Variants in PPM1L observed in about 807,000 individuals in gnomAD.
PPM1L encodes protein phosphatase 1L.
PPM1L carries 13 observed loss-of-function variants against 31.4 expected under a neutral mutation model. That is an observed-to-expected ratio of 0.41 (90% CI 0.27 to 0.66). The LOEUF is 0.66. PPM1L is among the 30% of genes least tolerant of loss of function. PPM1L has a pLI of 0.29. For missense variants in PPM1L, 326 were observed against 453.7 expected (o/e 0.72, Z 2.56); for synonymous variants, 184 against 175.4 (o/e 1.05, Z -0.39).
At chr3:160,970,336 G>A (rs1022223934) in intron 2 of PPM1L, among the ~76,000 whole-genome samples, 4 of 151,966 alleles carry the variant, frequency 2.6e-5, no homozygotes, top group African/African-American at 9.7e-5. Flanking sequence ...GAGTAAAATG[G>A]GTACTCAAAA....
intron 1 of PPM1L, among the ~76,000 whole-genome samples, chr3:160,826,540 C>T (rs1025755242): frequency 2.0e-5 from 3 of 151,996 alleles, no homozygotes; most frequent in Non-Finnish European, 2.9e-5. Flanking sequence ...AATTCCATTC[C>T]TGATAGAATC....
intron 1 of PPM1L, among the ~76,000 whole-genome samples, chr3:160,839,671 A>T (rs1406355102): frequency 6.6e-6 from 1 of 152,178 alleles, no homozygotes; most frequent in Non-Finnish European, 1.5e-5. Context: ...ATGACTATTT[A>T]TTGTTAATTA....
At chr3:161,014,120 A>G (rs1717991690) in intron 2 of PPM1L, among the ~76,000 whole-genome samples, 1 of 152,170 alleles carries the variant, frequency 6.6e-6, no homozygotes, top group Non-Finnish European at 1.5e-5. Context: ...CCTAGCATCA[A>G]TGGTCTTTAC....
chr3:160,877,905 A>G (rs1712573031), intron 1 of PPM1L, among the ~76,000 whole-genome samples: 1 of 152,152 alleles, frequency 6.6e-6, no homozygotes, highest in African/African-American at 2.4e-5. Flanking sequence ...TGGAGCCACC[A>G]TGTTGAACAT....
chr3:161,065,714 A>G, intron 3 of PPM1L, 150 bp downstream of exon 3: 1 of 582,006 alleles, frequency 1.7e-6, no homozygotes, highest in Non-Finnish European at 2.9e-6. Context: ...AACATTACCT[A>G]TCAAATAAAT....
At chr3:160,836,121 G>A (rs1713707161) in intron 1 of PPM1L, among the ~76,000 whole-genome samples, 1 of 152,124 alleles carries the variant, frequency 6.6e-6, no homozygotes, top group South Asian at 2.1e-4. Flanking sequence ...GGAATCTGTT[G>A]CTCTCAAGCA....
At chr3:160,916,153 C>G (rs1714172779) in intron 1 of PPM1L, among the ~76,000 whole-genome samples, 2 of 152,062 alleles carry the variant, frequency 1.3e-5, no homozygotes, top group Non-Finnish European at 2.9e-5. Context: ...TTTTTGCAAC[C>G]TACTCATCTG....
chr3:160,874,271 A>G lies in PPM1L; in HGVS notation c.400-87465A>G, dbSNP rs114357244. On this transcript the variant is annotated intron_variant, in intron 1 of 3. Transcript: ENST00000498165. ...TCTTTTTAGCAGTGGTGGTGTTGAGAGTCCAGCGACATCATTGTCTAGTTG... is the reference window on the plus strand; with the variant it reads ...TCTTTTTAGCAGTGGTGGTGTTGAGGGTCCAGCGACATCATTGTCTAGTTG... Among the ~76,000 whole-genome samples, 1,419 of 152,282 alleles carry G rather than the reference A, an allele frequency of 9.3e-3. 10 individuals are homozygous for G. The highest frequency in any genetic ancestry group is 0.016 in the Non-Finnish European group (1,089 of 68,020).
At position 160,871,411 on chromosome 3, in the gene PPM1L, G is replaced by A. The variant is rs368647650; in HGVS notation, c.400-90325G>A. On this transcript the variant is annotated intron_variant, in intron 1 of 3. Transcript: ENST00000498165. ...TGAAGTGTTCTATTCCAGACTTAGG[G>A]GATTAGCTGTTCTTCATCTCTGCTA... Among the ~76,000 whole-genome samples, 37 of 152,258 alleles carry A rather than the reference G, an allele frequency of 2.4e-4. No homozygotes were observed. In the East Asian group the frequency reaches 5.4e-3, roughly 22 times the overall value.
At chr3:160,765,149 A>G (rs1447013861) in intron 1 of PPM1L, among the ~76,000 whole-genome samples, 1 of 152,206 alleles carries the variant, frequency 6.6e-6, no homozygotes, top group Admixed American at 6.5e-5. Flanking sequence ...GTACTATATT[A>G]TCCCCCATTT....
Position 160,756,260 on chromosome 3 carries a change from C to T in PPM1L, c.-49C>T, listed in dbSNP as rs1714800287. On this transcript the variant is annotated 5_prime_UTR_variant, in exon 1 of 4. Coordinates refer to ENST00000498165, the MANE Select transcript of PPM1L (RefSeq NM_139245.4). The surrounding 1 kb of genome is among the most constrained non-coding windows in gnomAD (Gnocchi z 6.2). ...CCGCAGTGCTCCCGGACCCGGCGAG[C>T]CTTCGGGGCGCGCGTCGCTGGTGGT... 1 of 1,563,672 alleles carries T rather than the reference C, an allele frequency of 6.4e-7. No individual in the cohort carries two copies. The highest frequency in any genetic ancestry group is 2.3e-5 in the East Asian group (1 of 44,372).
chr3:160,808,314 T>C (rs1712672087), intron 1 of PPM1L, among the ~76,000 whole-genome samples: 1 of 147,446 alleles, frequency 6.8e-6, no homozygotes, highest in African/African-American at 2.6e-5. Flanking sequence ...TGTGTGTGTG[T>C]GTGTGTGCGT....
chr3:160,881,329 A>AT (rs1576687150), intron 1 of PPM1L, among the ~76,000 whole-genome samples: 2 of 151,902 alleles, frequency 1.3e-5, no homozygotes, highest in Admixed American at 1.3e-4. Flanking sequence ...GTTTTGTTTC[A>AT]TTTTTTTCAT....
chr3:160,957,911 C>T lies in PPM1L; in HGVS notation c.400-3825C>T, dbSNP rs530150840. Among the ~76,000 whole-genome samples the T allele has an allele frequency of 1.2e-4, 18 of 152,218 alleles. No homozygotes were observed. In the South Asian group the frequency reaches 3.7e-3, roughly 32 times the overall value. ...TTTTAATTTGCATTTCTCTAATGAT[C>T]AGTGATGTTGAGCTTTTTTTCATGA... On this transcript the variant is annotated intron_variant, in intron 1 of 3. Transcript: ENST00000498165.
At chr3:160,828,161 C>T (rs1048250737) in intron 1 of PPM1L, among the ~76,000 whole-genome samples, 1 of 152,000 alleles carries the variant, frequency 6.6e-6, no homozygotes, top group African/African-American at 2.4e-5. Context: ...GTCATCCAAG[C>T]TCTCAGTAGG....
intron 2 of PPM1L, among the ~76,000 whole-genome samples, chr3:161,041,675 G>A (rs1718913957): frequency 6.6e-6 from 1 of 152,090 alleles, no homozygotes; most frequent in South Asian, 2.1e-4. Flanking sequence ...GTGAACCCAG[G>A]AGGCGGAGCT....
At chr3:160,911,515 AG>A (rs1474119504) in intron 1 of PPM1L, among the ~76,000 whole-genome samples, 1 of 152,236 alleles carries the variant, frequency 6.6e-6, no homozygotes, top group Non-Finnish European at 1.5e-5. Context: ...CTTGTGAGTG[AG>A]TATTCCCTTT....
intron 1 of PPM1L, among the ~76,000 whole-genome samples, chr3:160,845,546 GTGCTGTTGTATCTAAGAATCCAT>G (rs1473566997): frequency 1.3e-5 from 2 of 151,804 alleles, no homozygotes; most frequent in African/African-American, 4.8e-5. Context: ...GGTCTCTTGT[GTGCTGTTGTATCTAAGAATCCAT>G]TGCCTAAGCC....
intron 1 of PPM1L, among the ~76,000 whole-genome samples, chr3:160,832,442 T>C (rs1713550297): frequency 6.6e-6 from 1 of 152,194 alleles, no homozygotes; most frequent in Non-Finnish European, 1.5e-5. Flanking sequence ...GGGAATCTAC[T>C]GTGGCTGGAT....
Sources: gnomAD v4.1 joint callset for allele counts (sites outside exome capture counted in the v4.1 genomes callset) on GRCh38, gnomAD v4.1.1 for gene constraint, Gnocchi (gnomAD v3.1) non-coding constraint, MANE v1.5 for transcripts, NCBI Gene and HGNC (gene_info 2026-07-23, HGNC 2026-07-21) for gene names.